The following AGBL4 variants were observed in gnomAD, a reference collection of about 807,000 sequenced individuals.
The protein encoded by AGBL4 is AGBL carboxypeptidase 4.
AGBL4 carries 58 observed loss-of-function variants against 66.4 expected under a neutral mutation model. The observed-to-expected ratio is 0.87, with a 90% CI of 0.71 to 1.09. The LOEUF (loss-of-function observed/expected upper bound fraction) is 1.09, where lower values mean the gene tolerates loss of function less well. AGBL4 is among the 50% of genes least tolerant of loss of function. The pLI is 0.00. For synonymous variants in AGBL4, 234 were observed against 222.9 expected, an observed-to-expected ratio of 1.05 and a Z score of -0.44; for missense variants, 579 against 631.0, an observed-to-expected ratio of 0.92 and a Z score of 0.88.
intron 11 of AGBL4, among the ~76,000 whole-genome samples, chr1:48,582,051 G>A (rs930272076): frequency 2.0e-5 from 3 of 152,194 alleles, no homozygotes; most frequent in Non-Finnish European, 4.4e-5. Flanking sequence ...TTTACTCACA[G>A]CTTTGCATAC....
chr1:49,412,608 A>G (rs1645340345), intron 3 of AGBL4, among the ~76,000 whole-genome samples: 1 of 152,146 alleles, frequency 6.6e-6, no homozygotes, highest in South Asian at 2.1e-4. Flanking sequence ...ACAAACAAAA[A>G]CAAACAAACA....
At chr1:49,760,243 G>A (rs1231038428) in intron 2 of AGBL4, among the ~76,000 whole-genome samples, 4 of 151,900 alleles carry the variant, frequency 2.6e-5, no homozygotes, top group Non-Finnish European at 4.4e-5. Flanking sequence ...CATTCTTTAG[G>A]TTGCCTGTTC....
At chr1:49,054,706 AT>A (rs1193615266) in intron 4 of AGBL4, among the ~76,000 whole-genome samples, 2 of 151,986 alleles carry the variant, frequency 1.3e-5, no homozygotes, top group African/African-American at 4.8e-5. Flanking sequence ...TGTGAAAAAA[AT>A]GTTTTCATAA....
chr1:49,830,791 G>GT (rs1234191504), intron 2 of AGBL4, among the ~76,000 whole-genome samples: 2 of 152,126 alleles, frequency 1.3e-5, no homozygotes, highest in East Asian at 3.8e-4. Flanking sequence ...TGTATAAGGT[G>GT]TAAGGAAGGG....
At chr1:49,000,916 G>A (rs1661350175) in intron 5 of AGBL4, among the ~76,000 whole-genome samples, 2 of 152,108 alleles carry the variant, frequency 1.3e-5, no homozygotes, top group Admixed American at 1.3e-4. Context: ...AGAAATTCAG[G>A]GAACTTAGGA....
At chr1:48,635,316 C>G (rs1287243539) in intron 8 of AGBL4, among the ~76,000 whole-genome samples, 3 of 152,234 alleles carry the variant, frequency 2.0e-5, no homozygotes, top group Non-Finnish European at 4.4e-5. Context: ...TAAGCTTTCT[C>G]TTTCCAAATG....
intron 4 of AGBL4, among the ~76,000 whole-genome samples, chr1:49,154,494 C>T (rs1287333512): frequency 6.6e-6 from 1 of 152,088 alleles, no homozygotes; most frequent in Non-Finnish European, 1.5e-5. Context: ...GCACAAAATA[C>T]TGGTAACCCT....
At position 49,491,860 on chromosome 1, in the gene AGBL4, C is replaced by G. The variant is rs542354520; in HGVS notation, c.282+205453G>C. On this transcript the variant is annotated intron_variant, in intron 3 of 13. Coordinates refer to ENST00000371839, the MANE Select transcript of AGBL4 (RefSeq NM_032785.4). ...TATGTTCCAAAACCCCCAGTGGATGCCTGAAACCACAGACAGTAGAAAACC... is the reference window on the plus strand; with the variant it reads ...TATGTTCCAAAACCCCCAGTGGATGGCTGAAACCACAGACAGTAGAAAACC... Among the ~76,000 whole-genome samples, 37 of 151,998 alleles carry G rather than the reference C, an allele frequency of 2.4e-4. No individual in the cohort carries two copies. In the South Asian group the frequency reaches 7.7e-3, roughly 32 times the overall value.
chr1:49,186,752 C>T (rs927474038), intron 4 of AGBL4, among the ~76,000 whole-genome samples: 1 of 152,128 alleles, frequency 6.6e-6, no homozygotes, highest in African/African-American at 2.4e-5. Flanking sequence ...GGAATGCCAA[C>T]ATATTATAAA....
intron 3 of AGBL4, among the ~76,000 whole-genome samples, chr1:49,673,660 C>G (rs916549678): frequency 2.6e-5 from 4 of 152,050 alleles, no homozygotes; most frequent in African/African-American, 9.7e-5. Flanking sequence ...AAAAAATCAA[C>G]AAACTTTAAT....
intron 5 of AGBL4, among the ~76,000 whole-genome samples, chr1:48,882,580 G>C (rs1649896956): frequency 1.3e-5 from 2 of 152,188 alleles, no homozygotes; most frequent in South Asian, 2.1e-4. Flanking sequence ...GTATGTGAGA[G>C]ACAGATATGA....
At chr1:48,801,698 T>G (rs184221990) in intron 6 of AGBL4, among the ~76,000 whole-genome samples, 72 of 152,288 alleles carry the variant, frequency 4.7e-4, no homozygotes, top group African/African-American at 1.7e-3. Context: ...GAGCTTGCAG[T>G]TTTTTGGCTG....
At chr1:48,801,910 C>CT (rs11322552) in intron 6 of AGBL4, among the ~76,000 whole-genome samples, 69 of 144,498 alleles carry the variant, frequency 4.8e-4, no homozygotes, top group African/African-American at 1.5e-3. Context: ...TCCATAATAA[C>CT]TTTTTTTTTT....
At chr1:48,806,315 C>G (rs1351815838) in intron 6 of AGBL4, among the ~76,000 whole-genome samples, 1 of 152,122 alleles carries the variant, frequency 6.6e-6, no homozygotes, top group African/African-American at 2.4e-5. Context: ...ATCTGGTGTT[C>G]GAGGCCCAAC....
chr1:49,175,252 A>G (rs1451782305), intron 4 of AGBL4, among the ~76,000 whole-genome samples: 4 of 151,980 alleles, frequency 2.6e-5, no homozygotes, highest in African/African-American at 9.7e-5. Context: ...TGGGCATATA[A>G]GGGGGATCAG....
intron 6 of AGBL4, among the ~76,000 whole-genome samples, chr1:48,683,638 G>A (rs771033578): frequency 2.6e-5 from 4 of 152,212 alleles, no homozygotes; most frequent in Non-Finnish European, 5.9e-5. Flanking sequence ...GCCTCAAAGA[G>A]GGTCTGAGTA....
intron 4 of AGBL4, among the ~76,000 whole-genome samples, chr1:49,179,950 G>C (rs181608787): frequency 6.6e-6 from 1 of 151,946 alleles, no homozygotes; most frequent in Non-Finnish European, 1.5e-5. Context: ...TGCCCAGGCT[G>C]GAGTGCAATG....
intron 4 of AGBL4, among the ~76,000 whole-genome samples, chr1:49,202,926 G>C (rs1468644283): frequency 2.6e-5 from 4 of 151,756 alleles, no homozygotes; most frequent in African/African-American, 9.7e-5. Flanking sequence ...CAAATAATCT[G>C]ATTTTAAAAT....
At chr1:49,858,086 C>T (rs1315037154) in intron 1 of AGBL4, among the ~76,000 whole-genome samples, 1 of 151,976 alleles carries the variant, frequency 6.6e-6, no homozygotes, top group African/African-American at 2.4e-5. Flanking sequence ...CAAAAGGAGA[C>T]ATACAAATGT....
Sources: gnomAD v4.1 joint callset for allele counts (sites outside exome capture counted in the v4.1 genomes callset) on GRCh38, gnomAD v4.1.1 for gene constraint, MANE v1.5 for transcripts, NCBI Gene and HGNC (gene_info 2026-07-23, HGNC 2026-07-21) for gene names.